RGS20: variants seen among roughly 807,000 people sequenced by gnomAD.
RGS20 encodes regulator of G protein signaling 20.
A neutral mutation model predicts 33.6 loss-of-function variants in RGS20; 30 were observed. The ratio of observed to expected loss-of-function variants is 0.89; its 90% confidence interval spans 0.67 to 1.21. RGS20 has a LOEUF of 1.21. Ranked by LOEUF, RGS20 falls within the 50% of genes most tolerant of loss-of-function variation. The probability of loss-of-function intolerance (pLI) is 0.00; values close to 1 mark genes in which losing one functional copy is unlikely to be tolerated. For synonymous variants in RGS20, 208 were observed against 197.9 expected (o/e 1.05, Z -0.43); for missense variants, 472 against 502.4 (o/e 0.94, Z 0.58).
intron 2 of RGS20, among the ~76,000 whole-genome samples, chr8:53,903,812 T>C (rs1813094750): frequency 6.6e-6 from 1 of 152,144 alleles, no homozygotes; most frequent in Non-Finnish European, 1.5e-5. Context: ...AGAAGGGTAT[T>C]TGCGGTCTTC....
chr8:53,866,390 T>A (rs1811919471), intron 1 of RGS20, among the ~76,000 whole-genome samples: 1 of 151,538 alleles, frequency 6.6e-6, no homozygotes, highest in East Asian at 1.9e-4. Context: ...TTTACCTCTT[T>A]TTTTTTTTTT....
chr8:53,904,071 AC>A, intron 2 of RGS20, among the ~76,000 whole-genome samples: 1 of 151,994 alleles, frequency 6.6e-6, no homozygotes, highest in East Asian at 1.9e-4. Context: ...AACACTGCTT[AC>A]CAAGAGAGAA....
chr8:53,952,225 A>G (rs1463430457), intron 4 of RGS20, among the ~76,000 whole-genome samples: 2 of 133,498 alleles, frequency 1.5e-5, no homozygotes, highest in African/African-American at 5.6e-5. Context: ...TTACAGGCAC[A>G]TGCCACCATG....
intron 2 of RGS20, among the ~76,000 whole-genome samples, chr8:53,937,694 A>G (rs942894670): frequency 4.6e-5 from 7 of 152,154 alleles, no homozygotes; most frequent in African/African-American, 1.7e-4. Context: ...CAAGAAAAAA[A>G]CAAACAACCC....
intron 2 of RGS20, among the ~76,000 whole-genome samples, chr8:53,932,075 A>T (rs1263800063): frequency 9.2e-5 from 14 of 152,190 alleles, no homozygotes; most frequent in Admixed American, 9.2e-4. Flanking sequence ...AGAATGTTGA[A>T]TATCGGACCC....
chr8:53,916,010 G>T (rs1176842105), intron 2 of RGS20, among the ~76,000 whole-genome samples: 1 of 151,772 alleles, frequency 6.6e-6, no homozygotes, highest in Non-Finnish European at 1.5e-5. Flanking sequence ...TTCTTTGCAA[G>T]AGTCTGTGAG....
intron 2 of RGS20, among the ~76,000 whole-genome samples, chr8:53,930,858 A>G (rs1184903274): frequency 6.6e-6 from 1 of 152,150 alleles, no homozygotes; most frequent in African/African-American, 2.4e-5. Context: ...TCTCATAGGA[A>G]ATAATAGTTA....
chr8:53,853,537 C>T (rs1317134788), intron 1 of RGS20, among the ~76,000 whole-genome samples: 1 of 152,168 alleles, frequency 6.6e-6, no homozygotes, highest in Non-Finnish European at 1.5e-5. Flanking sequence ...GGCTCCTTCA[C>T]TCAGTTTTTG....
At chr8:53,918,451 C>A (rs1813553143) in intron 2 of RGS20, among the ~76,000 whole-genome samples, 2 of 150,584 alleles carry the variant, frequency 1.3e-5, no homozygotes, top group African/African-American at 5.0e-5. Context: ...TACAATGGTG[C>A]AATCTCAGCT....
intron 5 of RGS20, among the ~76,000 whole-genome samples, chr8:53,956,877 G>A (rs1814882937): frequency 6.6e-6 from 1 of 152,124 alleles, no homozygotes; most frequent in African/African-American, 2.4e-5. Flanking sequence ...GCCGGGCACA[G>A]TGGCTCACGC....
chr8:53,910,511 C>T (rs1419018147), intron 2 of RGS20, among the ~76,000 whole-genome samples: 1 of 152,138 alleles, frequency 6.6e-6, no homozygotes, highest in Non-Finnish European at 1.5e-5. Flanking sequence ...AAAAAAGATA[C>T]AGCTCCTTTG....
chr8:53,859,125 A>T (rs1332598034), intron 1 of RGS20, among the ~76,000 whole-genome samples: 1 of 152,178 alleles, frequency 6.6e-6, no homozygotes, highest in Non-Finnish European at 1.5e-5. Flanking sequence ...GTATTTTGAA[A>T]ATTAACATAA....
chr8:53,939,449 T>C, intron 2 of RGS20, 127 bp from the exon 2 acceptor site: 1 of 1,013,160 alleles, frequency 9.9e-7, no homozygotes, highest in African/African-American at 1.7e-5. Context: ...TTACGAGAAG[T>C]AGCAAAAATG....
intron 5 of RGS20, among the ~76,000 whole-genome samples, chr8:53,956,458 AG>A (rs2129294847): frequency 6.6e-6 from 1 of 152,276 alleles, no homozygotes; most frequent in African/African-American, 2.4e-5. Flanking sequence ...GGAGAAGACC[AG>A]GGGCAGAAGA....
chr8:53,946,785 C>A (rs1263792439), intron 4 of RGS20, 37 bp downstream of exon 3: 3 of 1,506,374 alleles, frequency 2.0e-6, no homozygotes, highest in African/African-American at 2.8e-5. Flanking sequence ...ACTAAACTAA[C>A]AGAAATACTA....
chr8:53,942,062 T>C (rs1814313707), intron 3 of RGS20, among the ~76,000 whole-genome samples: 1 of 151,764 alleles, frequency 6.6e-6, no homozygotes, highest in African/African-American at 2.4e-5. Context: ...TCACATGAGG[T>C]CGGGAGTTCG....
chr8:53,917,984 A>T (rs73680370), intron 2 of RGS20, among the ~76,000 whole-genome samples: 4 of 152,240 alleles, frequency 2.6e-5, no homozygotes, highest in African/African-American at 9.6e-5. Context: ...GTATTATACA[A>T]CATGTGGACT....
intron 5 of RGS20, among the ~76,000 whole-genome samples, chr8:53,956,836 A>G (rs1369515880): frequency 6.6e-6 from 1 of 152,092 alleles, no homozygotes; most frequent in Non-Finnish European, 1.5e-5. Context: ...TTTTTCATCA[A>G]TCTTTTAAAG....
intron 2 of RGS20, among the ~76,000 whole-genome samples, chr8:53,934,410 A>T (rs2129289324): frequency 6.6e-6 from 1 of 152,334 alleles, no homozygotes; most frequent in East Asian, 1.9e-4. Flanking sequence ...GGCATGGAGG[A>T]ATATTTACAA....
Sources: allele counts gnomAD v4.1 joint callset (sites outside exome capture counted in the v4.1 genomes callset), GRCh38; gene constraint gnomAD v4.1.1; transcripts MANE v1.5; gene names NCBI Gene and HGNC (gene_info 2026-07-23, HGNC 2026-07-21).